TRPM4: variants seen among roughly 807,000 people sequenced by gnomAD.
The protein encoded by TRPM4 is calcium-activated non-selective cation channel 1.
TRPM4 carries 124 observed loss-of-function variants against 135.6 expected under a neutral mutation model. The observed-to-expected ratio is 0.91, with a 90% CI of 0.79 to 1.06. The LOEUF (loss-of-function observed/expected upper bound fraction) is 1.06, where lower values mean the gene tolerates loss of function less well. Ranked by LOEUF, TRPM4 falls within the 50% of genes least tolerant of loss-of-function variation. TRPM4 has a pLI of 0.00. For synonymous variants in TRPM4, 745 were observed against 705.6 expected (o/e 1.06, Z -0.88); for missense variants, 1,658 against 1,671.4 (o/e 0.99, Z 0.14).
At chr19:49,200,169 G>A (rs977337064) in intron 17 of TRPM4, 131 bp from the exon 18 acceptor site, 1 of 1,390,610 alleles carries the variant, frequency 7.2e-7, no homozygotes, top group East Asian at 2.3e-5. Flanking sequence ...AGTAAACCCC[G>A]GGTGACTGGG....
chr19:49,188,157 C>A (rs1340987543), intron 12 of TRPM4, among the ~76,000 whole-genome samples: 1 of 152,166 alleles, frequency 6.6e-6, no homozygotes, highest in Non-Finnish European at 1.5e-5. Flanking sequence ...GTTTCAGAGT[C>A]AAACCATGAA....
intron 17 of TRPM4, among the ~76,000 whole-genome samples, chr19:49,197,296 C>CTT (rs1478681364): frequency 8.0e-6 from 1 of 124,716 alleles, no homozygotes; most frequent in East Asian, 2.4e-4. Flanking sequence ...TTCTTTCTTT[C>CTT]TCTTTCTTTC....
At position 49,196,370 on chromosome 19, in the gene TRPM4, C is replaced by T. The variant is rs571733639; in HGVS notation, c.2211-70C>T. Reference sequence around the variant, plus strand: ...GTGAGATGTGCCAAGCCAAAAGTCTCGATGATGGTGGAGATCAGGACTCAG... The same window carrying T: ...GTGAGATGTGCCAAGCCAAAAGTCTTGATGATGGTGGAGATCAGGACTCAG... On this transcript the variant is annotated intron_variant, in intron 16 of 24. Coordinates refer to ENST00000252826, the MANE Select transcript of TRPM4 (RefSeq NM_017636.4). 274 of 1,392,196 alleles carry T rather than the reference C, an allele frequency of 2.0e-4. 1 individual carries two copies. The South Asian group carries it at 3.8e-3, about 19-fold the overall frequency. The allele number at this position is 1,392,196 out of a possible 1,614,324, so 86.2% of individuals were successfully genotyped here.
rs142739227 is a variant in TRPM4, at chr19:49,182,787, A to G, written c.1473A>G (p.Leu491=). Residue 491 remains leucine (L), a synonymous_variant, in exon 11 of 25, where the codon CTA becomes CTG. Coordinates refer to ENST00000252826, the MANE Select transcript of TRPM4 (RefSeq NM_017636.4). ...SHSAGTKAPA[L]KGGAAELRPP... is the part of the protein sequence containing the mutation. ...GCGCAGGCACCAAAGCCCCAGCCCTAAAAGGGGGAGCTGCGGAGCTCCGGC... is the reference window on the plus strand; with the variant it reads ...GCGCAGGCACCAAAGCCCCAGCCCTGAAAGGGGGAGCTGCGGAGCTCCGGC... 3.3e-5 allele frequency: 52 copies of G among 1,577,562 alleles called. No individual in the cohort carries two copies. The highest frequency in any genetic ancestry group is 4.4e-5 in the Non-Finnish European group (51 of 1,148,756).
chr19:49,166,753 T>TTTCCCCTTTA (rs1967200920), intron 3 of TRPM4, among the ~76,000 whole-genome samples: 1 of 149,062 alleles, frequency 6.7e-6, no homozygotes, highest in African/African-American at 2.5e-5. Context: ...TGGGTCTCTG[T>TTTCCCCTTTA]CTCTGTCTCT....
chr19:49,167,820 C>G (rs1374447520), intron 3 of TRPM4, 97 bp from the exon 4 acceptor site: 4 of 1,072,598 alleles, frequency 3.7e-6, no homozygotes, highest in Non-Finnish European at 5.7e-6. Context: ...CTGTCCCCGT[C>G]TCTCTGGGTC....
At chr19:49,178,447 G>A (rs1362225294) in intron 9 of TRPM4, among the ~76,000 whole-genome samples, 2 of 152,090 alleles carry the variant, frequency 1.3e-5, no homozygotes, top group African/African-American at 4.8e-5. Flanking sequence ...GAGGACAGTC[G>A]GGGAGGCTCA....
At chr19:49,158,595 CA>C in intron 2 of TRPM4, 1 of 280,958 alleles carries the variant, frequency 3.6e-6, no homozygotes, top group Non-Finnish European at 6.8e-6. Context: ...TTCATTCATT[CA>C]TTCATTCATT....
chr19:49,163,198 A>ATT (rs71179098), intron 2 of TRPM4, among the ~76,000 whole-genome samples: 108 of 145,338 alleles, frequency 7.4e-4, no homozygotes, highest in African/African-American at 2.4e-3. Flanking sequence ...TATTATTATT[A>ATT]TTTTTTTTTT....
rs749663244 is a variant in TRPM4 at position 49,190,196 on chromosome 19, C to T, written c.2020-12C>T. 2 of 1,608,760 alleles carry T rather than the reference C, an allele frequency of 1.2e-6. No individual in the cohort carries two copies. Among genetic ancestry groups the T allele is most frequent in the Non-Finnish European group, 1.7e-6 (2 of 1,175,150 alleles). ...GGGAGATTTGGATCCTAATCCTTCC[C>T]ACCCCCCACAGTCTCTGCTGACACA... On this transcript the variant is annotated splice_polypyrimidine_tract_variant and intron_variant, in intron 14 of 24. Transcript: ENST00000252826.
At chr19:49,190,842 A>G in intron 16 of TRPM4, 69 bp downstream of exon 16, 1 of 1,407,930 alleles carries the variant, frequency 7.1e-7, no homozygotes, top group Non-Finnish European at 1.0e-6. Context: ...TGCCAGTTCC[A>G]CGTTGTGTTA....
Position 49,190,719 on chromosome 19 carries a change from G to C in TRPM4, c.2156G>C (p.Arg719Pro), listed in dbSNP as rs78381230. The C allele has an allele frequency of 1.9e-6, 3 of 1,614,020 alleles. No individual in the cohort carries two copies. Among genetic ancestry groups the C allele is most frequent in the Non-Finnish European group, 2.5e-6 (3 of 1,180,038 alleles). Residue 719 changes from arginine to proline, a missense_variant, in exon 16 of 25, where the codon CGG (arginine) becomes CCG (proline). Around this residue, in one of 3 missense-constraint regions of TRPM4, gnomAD observed 1,412 missense variants for 1,408.7 expected, o/e 1.00. Coordinates refer to ENST00000252826, the MANE Select transcript of TRPM4 (RefSeq NM_017636.4). The stretch of plus-strand genomic sequence containing the variant: ...AGGAAATCAGAAGAGGAGCCCACAC[G>C]GGAGGAGCTAGAGTTTGACATGGAT... The part of the protein sequence containing the change: ...TFRKSEEEPT[R>P]EELEFDMDSV...
chr19:49,196,627 G>C lies in TRPM4; in HGVS notation c.2398G>C (p.Val800Leu), dbSNP rs746815443. 6.4e-7 allele frequency: 1 copy of C among 1,551,876 alleles called. No homozygotes were observed. The highest frequency in any genetic ancestry group is 8.7e-7 in the Non-Finnish European group (1 of 1,151,398). The change falls in exon 17 of 25, where the codon GTG becomes CTG. Residue 800 changes from valine to leucine, a missense_variant. Val to Leu is a conservative substitution (Grantham distance 32, BLOSUM62 1). This residue lies in a region of TRPM4 where 1,412 missense variants were observed against 1,408.7 expected (regional missense o/e 1.00). Transcript: ENST00000252826. ...YLLFLLLFSR[V>L]LLVDFQPAPP... ...GCTGTTCCTGCTGCTTTTCTCGCGG[G>C]TGCTGCTCGTGGATTTCCAGCCGGC...
intron 20 of TRPM4, among the ~76,000 whole-genome samples, chr19:49,204,162 T>C (rs1969059571): frequency 6.6e-6 from 1 of 152,206 alleles, no homozygotes; most frequent in Non-Finnish European, 1.5e-5. Context: ...CATCTGTTGA[T>C]GAACACTTGG....
rs530861512 is a variant in TRPM4 at position 49,176,855 on chromosome 19, A to G, written c.1151-4494A>G. Among the ~76,000 whole-genome samples the G allele has an allele frequency of 3.9e-5, 6 of 152,246 alleles. No homozygotes were observed. The South Asian group carries it at 1.2e-3, about 32-fold the overall frequency. ...GACAGAGCGAGACTCTGTCTCAAAA[A>G]CAAACAATCAAAAAGAAACAAACCA... is the stretch of plus-strand genomic sequence containing the variant. On this transcript the variant is annotated intron_variant, in intron 9 of 24. Transcript: ENST00000252826.
intron 14 of TRPM4, 98 bp downstream of exon 14, chr19:49,189,189 C>T (rs1423197864): frequency 3.3e-6 from 5 of 1,536,754 alleles, no homozygotes; most frequent in Admixed American, 3.5e-5. Flanking sequence ...ATGGTCTTGA[C>T]CAGCCACTCT....
At chr19:49,202,271 CCCCA>C in intron 20 of TRPM4, 130 bp downstream of exon 20, 1 of 1,117,896 alleles carries the variant, frequency 8.9e-7, no homozygotes, top group Non-Finnish European at 1.3e-6. Context: ...GCTGCCTTCT[CCCCA>C]AACCCAACCA....
intron 1 of TRPM4, 108 bp downstream of exon 1, chr19:49,157,998 G>A: frequency 7.4e-7 from 1 of 1,351,564 alleles, no homozygotes; most frequent in Non-Finnish European, 1.0e-6. Flanking sequence ...GACGGAGGAG[G>A]GGGATGGGAG....
chr19:49,171,690 G>T lies in TRPM4; in HGVS notation c.971G>T (p.Gly324Val), dbSNP rs1967463765. 6.2e-7 allele frequency: 1 copy of T among 1,613,910 alleles called. No individual in the cohort carries two copies. Among genetic ancestry groups the T allele is most frequent in the African/African-American group, 1.3e-5 (1 of 74,918 alleles). The stretch of plus-strand genomic sequence containing the variant: ...GAAGACACTCTGGCCCCAGGGAGTG[G>T]GGGAGCCAGGCAAGGCGAAGCCCGA... ...TLEDTLAPGSGGARQGEARDR... is the reference protein window; with the variant it reads ...TLEDTLAPGSVGARQGEARDR... Residue 324 changes from glycine to valine, a missense_variant, in exon 8 of 25, where the codon GGG (glycine) becomes GTG (valine). Physicochemically the swap from Gly to Val is moderately radical, Grantham distance 109. This residue lies in a region of TRPM4 where 1,412 missense variants were observed against 1,408.7 expected (regional missense o/e 1.00). Coordinates refer to ENST00000252826, the MANE Select transcript of TRPM4 (RefSeq NM_017636.4). The surrounding 1 kb of genome is among the most constrained non-coding windows in gnomAD (Gnocchi z 4.7).
Sources: allele counts gnomAD v4.1 joint callset (sites outside exome capture counted in the v4.1 genomes callset), GRCh38; gene constraint gnomAD v4.1.1; regional missense constraint gnomAD v4.1.1; non-coding constraint Gnocchi (gnomAD v3.1); transcripts MANE v1.5; gene names NCBI Gene and HGNC (gene_info 2026-07-23, HGNC 2026-07-21).